SMOX: variants seen among roughly 807,000 people sequenced by gnomAD.
The protein encoded by SMOX is flavin containing amine oxidase.
Under a neutral mutation model 51.0 loss-of-function variants are expected in SMOX, and 22 were observed. The ratio of observed to expected loss-of-function variants is 0.43; its 90% CI spans 0.31 to 0.62. SMOX has a LOEUF of 0.62. Ranked by LOEUF, SMOX falls within the 20% of genes least tolerant of loss-of-function variation. SMOX has a pLI of 0.10. For missense variants in SMOX, 566 were observed against 777.7 expected, an observed-to-expected ratio of 0.73 and a Z score of 3.24; for synonymous variants, 282 against 307.8, an observed-to-expected ratio of 0.92 and a Z score of 0.88.
chr20:4,187,630 C>T lies in SMOX; in HGVS notation c.*223C>T. On this transcript the variant is annotated 3_prime_UTR_variant, in exon 7 of 7. Coordinates refer to ENST00000305958, the MANE Select transcript of SMOX (RefSeq NM_175839.3). This position sits in a 1 kb window ranked among gnomAD's most constrained non-coding sequence, Gnocchi z 4.8. ...AGTTACCTCTGTGCTGGATCCCGTG[C>T]CCCCACTTGCCTACCCTCTGTCCTG... The T allele has an allele frequency of 5.4e-6, 3 of 552,388 alleles. No homozygotes were observed. Among genetic ancestry groups the T allele is most frequent in the Non-Finnish European group, 9.4e-6 (3 of 318,308 alleles). The allele number at this position is 552,388 out of a possible 1,614,324, so 34.2% of individuals were successfully genotyped here.
At position 4,153,556 on chromosome 20, in the gene SMOX, G is replaced by A. The variant is rs1985864793; in HGVS notation, c.-27+4579G>A. On this transcript the variant is annotated intron_variant, in intron 1 of 6. Transcript: ENST00000305958. The surrounding 1 kb of genome is among the most constrained non-coding windows in gnomAD (Gnocchi z 4.4). ...GGACCTGGCTGGCTGGCTGAGGAACGGTTTGCTGACCACACAGGGATGGGG... is the reference window on the plus strand; with the variant it reads ...GGACCTGGCTGGCTGGCTGAGGAACAGTTTGCTGACCACACAGGGATGGGG... 6.6e-6 allele frequency among the ~76,000 whole-genome samples: 1 copy of A among 152,122 alleles called. No individual in the cohort carries two copies. Among genetic ancestry groups the A allele is most frequent in the Non-Finnish European group, 1.5e-5 (1 of 68,016 alleles).
At chr20:4,186,165 G>T (rs912751873) in intron 6 of SMOX, among the ~76,000 whole-genome samples, 3 of 152,008 alleles carry the variant, frequency 2.0e-5, no homozygotes, top group Admixed American at 2.0e-4. Context: ...AAATTAGCCA[G>T]GTGTGGTGGT....
intron 1 of SMOX, among the ~76,000 whole-genome samples, chr20:4,165,094 G>T (rs1439207135): frequency 3.5e-5 from 4 of 114,696 alleles, no homozygotes; most frequent in Admixed American, 2.6e-4. Context: ...TCGCTCTGTT[G>T]TCCAGGCTAG....
chr20:4,155,201 C>T (rs1437620590), intron 1 of SMOX, among the ~76,000 whole-genome samples: 3 of 152,122 alleles, frequency 2.0e-5, no homozygotes, highest in South Asian at 2.1e-4. Flanking sequence ...ACAGCTGATC[C>T]GGCCCTCTAG....
At chr20:4,168,562 T>C (rs970984421) in intron 1 of SMOX, among the ~76,000 whole-genome samples, 24 of 128,912 alleles carry the variant, frequency 1.9e-4, no homozygotes, top group East Asian at 4.1e-4. Flanking sequence ...CTCTCTCTCT[T>C]TTTTTTTTTT....
Position 4,187,700 on chromosome 20 carries a change from T to TA in SMOX, c.*299dup, listed in dbSNP as rs1979853021. 3 of 304,940 alleles carry TA rather than the reference T, an allele frequency of 9.8e-6. No homozygotes were observed. The South Asian group carries it at 2.6e-4, about 27-fold the overall frequency. 18.9% of individuals were successfully genotyped at this position (304,940 alleles called of 1,614,324 possible). A position where few individuals can be genotyped will look rare whatever the true frequency, so the allele number is the denominator to read the frequency against. ...TTCAATACTTTGCATTTTGGGATAATAAAAAAGGCTCCCTCCCCTGCCCCT... is the reference window on the plus strand; with the variant it reads ...TTCAATACTTTGCATTTTGGGATAATAAAAAAAGGCTCCCTCCCCTGCCCCT... On this transcript the variant is annotated 3_prime_UTR_variant, in exon 7 of 7. Coordinates refer to ENST00000305958, the MANE Select transcript of SMOX (RefSeq NM_175839.3). This position sits in a 1 kb window ranked among gnomAD's most constrained non-coding sequence, Gnocchi z 4.8.
rs1207639611 is a variant in SMOX, at chr20:4,172,667, G to T, written c.-26-2363G>T. ...AAGGGGAGCGGGAGCCCTTGCCTCC[G>T]AACTGGACGCTGCCCGGATGTGGCT... On this transcript the variant is annotated intron_variant, in intron 1 of 6. Coordinates refer to ENST00000305958, the MANE Select transcript of SMOX (RefSeq NM_175839.3). The surrounding 1 kb of genome is among the most constrained non-coding windows in gnomAD (Gnocchi z 7.7). 6.6e-6 allele frequency among the ~76,000 whole-genome samples: 1 copy of T among 152,064 alleles called. No individual in the cohort carries two copies. The highest frequency in any genetic ancestry group is 1.5e-5 in the Non-Finnish European group (1 of 68,024).
At chr20:4,176,700 G>A (rs1023311688) in intron 2 of SMOX, among the ~76,000 whole-genome samples, 1 of 152,116 alleles carries the variant, frequency 6.6e-6, no homozygotes, top group African/African-American at 2.4e-5. Context: ...GGCTGGGGAT[G>A]GGGTAGTAGA....
At chr20:4,157,893 GGT>G (rs1986092347) in intron 1 of SMOX, among the ~76,000 whole-genome samples, 2 of 152,020 alleles carry the variant, frequency 1.3e-5, no homozygotes, top group South Asian at 4.1e-4. Flanking sequence ...GATGGGCTGT[GGT>G]ATTTTTTATT....
rs574427899 is a variant in SMOX at position 4,172,314 on chromosome 20, G to A, written c.-26-2716G>A. Among the ~76,000 whole-genome samples the A allele has an allele frequency of 6.6e-6, 1 of 152,348 alleles. No homozygotes were observed. Among genetic ancestry groups the A allele is most frequent in the Non-Finnish European group, 1.5e-5 (1 of 68,024 alleles). The stretch of plus-strand genomic sequence containing the variant: ...GCGGCCCCTCCGGAGCACGCCGCGT[G>A]TTTACCGACCTGACGCAGCGTCCCG... On this transcript the variant is annotated intron_variant, in intron 1 of 6. Coordinates refer to ENST00000305958, the MANE Select transcript of SMOX (RefSeq NM_175839.3). The surrounding 1 kb of genome is among the most constrained non-coding windows in gnomAD (Gnocchi z 7.7).
In SMOX at chr20:4,182,745, T is replaced by C. The variant is rs1162250250; in HGVS notation, c.1266T>C (p.His422=). The C allele has an allele frequency of 1.9e-6, 3 of 1,614,110 alleles. No homozygotes were observed. Among genetic ancestry groups the C allele is most frequent in the Non-Finnish European group, 2.5e-6 (3 of 1,180,002 alleles). ...TCTACCCGCCTGAGCGCTACGGCCATGTGCTGAGCGGCTGGATCTGCGGGG... is the reference window on the plus strand; with the variant it reads ...TCTACCCGCCTGAGCGCTACGGCCACGTGCTGAGCGGCTGGATCTGCGGGG... ...DVLYPPERYG[H]VLSGWICGEE... is the part of the protein sequence containing the mutation. The change falls in exon 5 of 7, where the codon CAT becomes CAC. Residue 422 remains histidine (H), a synonymous_variant. Coordinates refer to ENST00000305958, the MANE Select transcript of SMOX (RefSeq NM_175839.3). This position sits in a 1 kb window ranked among gnomAD's most constrained non-coding sequence, Gnocchi z 8.4.
chr20:4,171,881 C>A, intron 1 of SMOX: 1 of 152,356 alleles, frequency 6.6e-6, no homozygotes. Context: ...CATGGAGGGC[C>A]TTATTTGACG....
rs913984721 is a variant in SMOX, at chr20:4,167,446, C to A, written c.-26-7584C>A. ...TACCTGTGCTAATTTAATATTCCTA[C>A]AAGTCGGCTGTACCTATCCCCATTT... is the stretch of plus-strand genomic sequence containing the variant. On this transcript the variant is annotated intron_variant, in intron 1 of 6. Coordinates refer to ENST00000305958, the MANE Select transcript of SMOX (RefSeq NM_175839.3). This position sits in a 1 kb window ranked among gnomAD's most constrained non-coding sequence, Gnocchi z 4.8. Among the ~76,000 whole-genome samples the A allele has an allele frequency of 2.0e-5, 3 of 152,182 alleles. No individual in the cohort carries two copies. Among genetic ancestry groups the A allele is most frequent in the African/African-American group, 7.2e-5 (3 of 41,430 alleles).
At chr20:4,164,924 G>A (rs1209379098) in intron 1 of SMOX, among the ~76,000 whole-genome samples, 1 of 152,098 alleles carries the variant, frequency 6.6e-6, no homozygotes, top group African/African-American at 2.4e-5. Context: ...GTCGCCCATA[G>A]TGGAGTACAG....
chr20:4,158,831 C>A (rs183428682), intron 1 of SMOX, among the ~76,000 whole-genome samples: 1 of 152,158 alleles, frequency 6.6e-6, no homozygotes, highest in Non-Finnish European at 1.5e-5. Context: ...GCTCAGCCAG[C>A]GCACCTCTGA....
chr20:4,171,455 A>G (rs1471442423), intron 1 of SMOX, among the ~76,000 whole-genome samples: 2 of 152,010 alleles, frequency 1.3e-5, no homozygotes, highest in Non-Finnish European at 2.9e-5. Context: ...CCATGGGATG[A>G]TATCAGGGCC....
intron 3 of SMOX, among the ~76,000 whole-genome samples, chr20:4,178,684 CTTTCT>C (rs1326267460): frequency 5.7e-5 from 5 of 88,418 alleles, no homozygotes; most frequent in Non-Finnish European, 8.5e-5. Flanking sequence ...TTCTTTCTTT[CTTTCT>C]TTTTTTTTTT....
intron 2 of SMOX, chr20:4,176,252 C>T (rs1268541893): frequency 6.6e-6 from 1 of 152,150 alleles, no homozygotes; most frequent in Admixed American, 6.5e-5. Context: ...GAACTCCTGA[C>T]CTCAGGTGAT....
intron 1 of SMOX, among the ~76,000 whole-genome samples, chr20:4,160,938 C>G (rs553736322): frequency 1.3e-5 from 2 of 152,210 alleles, no homozygotes; most frequent in African/African-American, 4.8e-5. Context: ...GACCCCACCC[C>G]CTCCCCGGGG....
Sources: allele counts gnomAD v4.1 joint callset (sites outside exome capture counted in the v4.1 genomes callset), GRCh38; gene constraint gnomAD v4.1.1; non-coding constraint Gnocchi (gnomAD v3.1); transcripts MANE v1.5; gene names NCBI Gene and HGNC (gene_info 2026-07-23, HGNC 2026-07-21).